The following TMCO4 variants were observed in gnomAD, a reference collection of about 807,000 sequenced individuals.
TMCO4 encodes transmembrane and coiled-coil domains 4.
TMCO4 carries 58 observed loss-of-function variants against 64.7 expected under a neutral mutation model. The observed-to-expected ratio is 0.90, with a 90% CI of 0.73 to 1.12. The LOEUF (loss-of-function observed/expected upper bound fraction) is 1.12, where lower values mean the gene tolerates loss of function less well. Ranked by LOEUF, TMCO4 falls within the 50% of genes most tolerant of loss-of-function variation. The probability of loss-of-function intolerance (pLI) is 0.00; values close to 1 mark genes in which losing one functional copy is unlikely to be tolerated. For missense variants in TMCO4, 780 were observed against 825.9 expected, an observed-to-expected ratio of 0.94 and a Z score of 0.68; for synonymous variants, 325 against 346.1, an observed-to-expected ratio of 0.94 and a Z score of 0.68.
intron 2 of TMCO4, among the ~76,000 whole-genome samples, chr1:19,796,219 G>T (rs1356805074): frequency 6.6e-6 from 1 of 152,224 alleles, no homozygotes; most frequent in African/African-American, 2.4e-5. Context: ...AGGTCACACA[G>T]CTGGCAAGTC....
At chr1:19,700,641 G>A (rs113486404) in intron 14 of TMCO4, 127 bp downstream of exon 14, 52 of 915,890 alleles carry the variant, frequency 5.7e-5, no homozygotes, top group Non-Finnish European at 6.8e-5. Flanking sequence ...GCCGGTGCCC[G>A]GCCGGTTCCT....
At chr1:19,741,120 G>A (rs2095477415) in intron 10 of TMCO4, among the ~76,000 whole-genome samples, 179 bp from the exon 11 acceptor site, 1 of 152,228 alleles carries the variant, frequency 6.6e-6, no homozygotes, top group South Asian at 2.1e-4. Flanking sequence ...AGCCCAGTGA[G>A]TCAGCAGGCT....
At chr1:19,746,700 G>C (rs565580127) in intron 8 of TMCO4, 101 bp from the exon 9 acceptor site, 1 of 1,382,478 alleles carries the variant, frequency 7.2e-7, no homozygotes, top group African/African-American at 1.4e-5. Context: ...CGAGGTGGGC[G>C]GATCACGAGG....
intron 3 of TMCO4, among the ~76,000 whole-genome samples, chr1:19,786,767 G>A (rs1243823694): frequency 3.3e-5 from 5 of 152,084 alleles, no homozygotes; most frequent in African/African-American, 1.2e-4. Context: ...AAAAGTAGTC[G>A]AACATCTCTA....
Position 19,700,878 on chromosome 1 carries a change from T to C in TMCO4, c.1272A>G (p.Gln424=). 6.2e-7 allele frequency: 1 copy of C among 1,614,174 alleles called. No homozygotes were observed. The highest frequency in any genetic ancestry group is 8.5e-7 in the Non-Finnish European group (1 of 1,179,988). Residue 424 remains glutamine (Q), a synonymous_variant, in exon 14 of 16, where the codon CAA becomes CAG. Transcript: ENST00000294543. ...GCAGGATGACGTCCTCGATGATTCC[T>C]TGGCAATCTGGCAAAAGACCCCAGA... The part of the protein sequence containing the change: ...LQEMAQEKDC[Q]GIIEDVILLG...
intron 14 of TMCO4, among the ~76,000 whole-genome samples, chr1:19,699,341 A>G (rs1172662797): frequency 4.6e-5 from 7 of 152,020 alleles, no homozygotes; most frequent in South Asian, 2.1e-4. Flanking sequence ...AGGAGGGACT[A>G]TTATTCCTAT....
At chr1:19,729,967 C>G (rs1345098772) in intron 13 of TMCO4, among the ~76,000 whole-genome samples, 2 of 152,052 alleles carry the variant, frequency 1.3e-5, no homozygotes, top group Non-Finnish European at 2.9e-5. Context: ...CACACAAAAA[C>G]CACAAGCAAA....
intron 13 of TMCO4, among the ~76,000 whole-genome samples, chr1:19,736,875 T>C (rs2095457216): frequency 6.6e-6 from 1 of 152,202 alleles, no homozygotes; most frequent in South Asian, 2.1e-4. Flanking sequence ...GATCTTGACA[T>C]GGGATCACCC....
At chr1:19,728,164 A>G (rs2095416430) in intron 13 of TMCO4, among the ~76,000 whole-genome samples, 3 of 152,186 alleles carry the variant, frequency 2.0e-5, no homozygotes, top group Non-Finnish European at 4.4e-5. Flanking sequence ...ACATGAGTTT[A>G]CCTACATAAC....
chr1:19,757,160 G>GC (rs1553145652), intron 6 of TMCO4, among the ~76,000 whole-genome samples: 3 of 78,034 alleles, frequency 3.8e-5, no homozygotes, highest in Admixed American at 1.1e-4. Context: ...GCGTGGTGGC[G>GC]GGGGGGGGCG....
intron 13 of TMCO4, among the ~76,000 whole-genome samples, chr1:19,736,089 T>C (rs114749129): frequency 1.4e-3 from 217 of 152,266 alleles, no homozygotes; most frequent in African/African-American, 4.7e-3. Context: ...TGCCAACTCA[T>C]AGAATCGTGA....
chr1:19,782,785 G>C (rs781262018), intron 3 of TMCO4, among the ~76,000 whole-genome samples: 1 of 152,294 alleles, frequency 6.6e-6, no homozygotes, highest in African/African-American at 2.4e-5. Flanking sequence ...TACTACAGGG[G>C]ATCAAGGATA....
Position 19,780,770 on chromosome 1 carries a change from C to T in TMCO4, c.-8-4G>A, listed in dbSNP as rs557128340. 1.7e-4 allele frequency: 264 copies of T among 1,551,922 alleles called. 4 individuals are homozygous for T. In the South Asian group the frequency reaches 3.0e-3, roughly 17 times the overall value. On this transcript the variant is annotated splice_polypyrimidine_tract_variant and splice_region_variant and intron_variant, in intron 3 of 15. Transcript: ENST00000294543. The stretch of plus-strand genomic sequence containing the variant: ...TTCCACATGGCCATTCCCAGCGCTG[C>T]AGGAGAAAATTCCCAGTGAGAAATG...
chr1:19,689,138 G>A (rs1306235895), intron 15 of TMCO4, among the ~76,000 whole-genome samples: 1 of 152,162 alleles, frequency 6.6e-6, no homozygotes, highest in African/African-American at 2.4e-5. Flanking sequence ...GGGAGCAGAG[G>A]GTGGCCAGCA....
chr1:19,760,315 G>A (rs1039358329), intron 6 of TMCO4, among the ~76,000 whole-genome samples: 7 of 152,108 alleles, frequency 4.6e-5, no homozygotes, highest in East Asian at 1.9e-4. Context: ...GACTATGCCT[G>A]GAACACTCAG....
At chr1:19,762,014 C>T (rs2042527847) in intron 6 of TMCO4, among the ~76,000 whole-genome samples, 1 of 152,234 alleles carries the variant, frequency 6.6e-6, no homozygotes, top group South Asian at 2.1e-4. Flanking sequence ...TATGATGCCG[C>T]ATTTTGCAAA....
At chr1:19,787,536 A>G (rs2101108333) in intron 2 of TMCO4, among the ~76,000 whole-genome samples, 1 of 152,334 alleles carries the variant, frequency 6.6e-6, no homozygotes, top group South Asian at 2.1e-4. Context: ...ACTAGCTTTC[A>G]GGCTTAAGCA....
At chr1:19,775,544 T>C (rs1339190894) in intron 4 of TMCO4, among the ~76,000 whole-genome samples, 1 of 152,154 alleles carries the variant, frequency 6.6e-6, no homozygotes, top group Non-Finnish European at 1.5e-5. Flanking sequence ...TATTTGTGAG[T>C]AAAGTTTTAT....
chr1:19,773,388 C>T (rs1047660019), intron 4 of TMCO4, among the ~76,000 whole-genome samples: 3 of 152,082 alleles, frequency 2.0e-5, no homozygotes, highest in African/African-American at 7.2e-5. Flanking sequence ...TCAGCAGCCC[C>T]TGCAGGGAGT....
Sources: gnomAD v4.1 joint callset for allele counts (sites outside exome capture counted in the v4.1 genomes callset) on GRCh38, gnomAD v4.1.1 for gene constraint, MANE v1.5 for transcripts, NCBI Gene and HGNC (gene_info 2026-07-23, HGNC 2026-07-21) for gene names.